Variants in EHBP1L1 observed in about 807,000 individuals in gnomAD.
The protein encoded by EHBP1L1 is EH domain-binding protein 1-like protein 1.
In EHBP1L1, 122 loss-of-function variants were observed where a neutral mutation model predicts 151.1. The observed-to-expected ratio is 0.81, with a 90% CI of 0.70 to 0.94. EHBP1L1 has a LOEUF of 0.94. EHBP1L1 is among the 40% of genes least tolerant of loss of function. EHBP1L1 has a pLI of 0.00. For missense variants in EHBP1L1, 1,941 were observed against 1,959.8 expected, an observed-to-expected ratio of 0.99 and a Z score of 0.18; for synonymous variants, 878 against 810.1, an observed-to-expected ratio of 1.08 and a Z score of -1.42.
chr11:65,584,919 G>A (rs1857854587), intron 11 of EHBP1L1, 40 bp from the exon 12 acceptor site: 2 of 1,527,692 alleles, frequency 1.3e-6, no homozygotes, highest in Non-Finnish European at 1.7e-6. Context: ...GGTGGCGCGG[G>A]CCACCGCCGC....
rs1858214307 is a variant in EHBP1L1, at chr11:65,590,487, A to G, written c.4184-6A>G. ...CAGGCCTGGTGACTGTCCCTGTCCA[A>G]TGCAGGTGCCAACAAGCTGCAGGAG... is the stretch of plus-strand genomic sequence containing the variant. On this transcript the variant is annotated splice_polypyrimidine_tract_variant and splice_region_variant and intron_variant, in intron 15 of 18. Coordinates refer to ENST00000309295, the MANE Select transcript of EHBP1L1 (RefSeq NM_001099409.3). 6.2e-7 allele frequency: 1 copy of G among 1,612,706 alleles called. No individual in the cohort carries two copies. The highest frequency in any genetic ancestry group is 8.5e-7 in the Non-Finnish European group (1 of 1,179,674).
At position 65,585,543 on chromosome 11, in the gene EHBP1L1, G is replaced by C. The variant is rs1857924080; in HGVS notation, c.3885G>C (p.Ser1295=). The C allele has an allele frequency of 7.0e-6, 11 of 1,579,712 alleles. No individual in the cohort carries two copies. The East Asian group carries it at 1.4e-4, about 20-fold the overall frequency. ...KRRSRLRNSS[S]FSMDDPDAGA... is the part of the protein sequence containing the mutation. The stretch of plus-strand genomic sequence containing the variant: ...GCTCGCGGCTGCGGAACAGCAGCTC[G>C]TTCTCGATGGACGATCCGGACGCGG... The change falls in exon 12 of 19, where the codon TCG becomes TCC. Residue 1295 remains serine, a synonymous_variant. Transcript: ENST00000309295. The surrounding 1 kb of genome is among the most constrained non-coding windows in gnomAD (Gnocchi z 4.0).
chr11:65,589,860 TCAC>T, intron 13 of EHBP1L1, 40 bp downstream of exon 13: 1 of 1,545,894 alleles, frequency 6.5e-7, no homozygotes. Flanking sequence ...TTCAGGCTGC[TCAC>T]AAAGCCTGGA....
chr11:65,576,336 G>C lies in EHBP1L1; in HGVS notation c.34G>C (p.Gly12Arg). The C allele has an allele frequency of 6.3e-7, 1 of 1,599,014 alleles. No individual in the cohort carries two copies. Among genetic ancestry groups the C allele is most frequent in the Non-Finnish European group, 8.5e-7 (1 of 1,173,536 alleles). ...TSVWKRLQRVGKRAAKFQFVA... is the reference protein window; with the variant it reads ...TSVWKRLQRVRKRAAKFQFVA... ...GGTGTGGAAGCGCCTGCAGCGCGTGGGCAAGCGGGCGGCCAAGTTCCAGTT... is the reference window on the plus strand; with the variant it reads ...GGTGTGGAAGCGCCTGCAGCGCGTGCGCAAGCGGGCGGCCAAGTTCCAGTT... Residue 12 changes from glycine to arginine, a missense_variant, in exon 1 of 19, where the codon GGC becomes CGC. By Grantham distance (125) the Gly-to-Arg change is moderately radical. Transcript: ENST00000309295.
In EHBP1L1 at chr11:65,592,306, C is replaced by T; in HGVS notation, c.*4C>T. On this transcript the variant is annotated 3_prime_UTR_variant, in exon 19 of 19. Transcript: ENST00000309295. ...GGAGCGCTGCGTGCTGAGCTGAGGC[C>T]GCCGGCCCGGGTGGCCCATAACTTC... is the stretch of plus-strand genomic sequence containing the variant. The T allele has an allele frequency of 6.8e-7, 1 of 1,475,982 alleles. No individual in the cohort carries two copies. The highest frequency in any genetic ancestry group is 8.9e-7 in the Non-Finnish European group (1 of 1,122,730). 91.4% of individuals were successfully genotyped at this position (1,475,982 alleles called of 1,614,324 possible).
chr11:65,586,062 C>G (rs1452670443), intron 12 of EHBP1L1, among the ~76,000 whole-genome samples: 1 of 152,196 alleles, frequency 6.6e-6, no homozygotes, highest in Non-Finnish European at 1.5e-5. Context: ...TGGGTGCAGA[C>G]TATCTGTACT....
chr11:65,577,220 A>T (rs1857374844), intron 1 of EHBP1L1, among the ~76,000 whole-genome samples: 1 of 151,906 alleles, frequency 6.6e-6, no homozygotes, highest in Non-Finnish European at 1.5e-5. Flanking sequence ...ATTAGGGCAC[A>T]GCTGTGGGGG....
Position 65,582,038 on chromosome 11 carries a change from G to GA in EHBP1L1, c.1367dup (p.Ala457GlyfsTer17). On this transcript the variant is annotated frameshift_variant, in exon 9 of 19. Transcript: ENST00000309295. LOFTEE classifies it high-confidence loss of function. ...TGAGGCAAGATGCAGGGGGACCCCTGAGGCTCCTCCAAGGGGCTCTCAGGG... is the reference window on the plus strand; with the variant it reads ...TGAGGCAAGATGCAGGGGGACCCCTGAAGGCTCCTCCAAGGGGCTCTCAGGG... 1 of 1,613,466 alleles carries GA rather than the reference G, an allele frequency of 6.2e-7. No homozygotes were observed. Among genetic ancestry groups the GA allele is most frequent in the Non-Finnish European group, 8.5e-7 (1 of 1,179,808 alleles).
In EHBP1L1 at chr11:65,582,564, T is replaced by C. The variant is rs760211523; in HGVS notation, c.1892T>C (p.Leu631Pro). ...EVAGTAQCEGLETQETEVGVI... is the reference protein window; with the variant it reads ...EVAGTAQCEGPETQETEVGVI... ...GCTGGGACAGCACAGTGTGAGGGAC[T>C]GGAGACCCAGGAAACAGAGGTGGGG... Residue 631 changes from leucine (L) to proline (P), a missense_variant, in exon 9 of 19, where the codon CTG becomes CCG. Physicochemically the swap from Leu to Pro is moderately conservative, Grantham distance 98. Transcript: ENST00000309295. 2.9e-5 allele frequency: 47 copies of C among 1,613,104 alleles called. No individual in the cohort carries two copies. The South Asian group carries it at 4.0e-4, about 14-fold the overall frequency.
In EHBP1L1 at chr11:65,592,071, C is replaced by T. The variant is rs746946038; in HGVS notation, c.4453C>T (p.Leu1485=). ...VNQRDELVRD[L]DHKERIALEE... is the part of the protein sequence containing the mutation. ...CCAGCGCGATGAGCTAGTCCGGGACCTGGACCACAAGGAGCGGATGTGAGT... is the reference window on the plus strand; with the variant it reads ...CCAGCGCGATGAGCTAGTCCGGGACTTGGACCACAAGGAGCGGATGTGAGT... Residue 1485 remains leucine, a synonymous_variant, in exon 18 of 19, where the codon CTG becomes TTG. Coordinates refer to ENST00000309295, the MANE Select transcript of EHBP1L1 (RefSeq NM_001099409.3). The T allele has an allele frequency of 2.5e-6, 4 of 1,613,402 alleles. No homozygotes were observed. The East Asian group carries it at 6.7e-5, about 27-fold the overall frequency.
At chr11:65,591,613 G>T in intron 16 of EHBP1L1, 187 bp from the exon 17 acceptor site, 1 of 633,870 alleles carries the variant, frequency 1.6e-6, no homozygotes, top group Non-Finnish European at 2.9e-6. Flanking sequence ...AGCAATTGGA[G>T]AAAACAGAAG....
At position 65,579,456 on chromosome 11, in the gene EHBP1L1, G is replaced by A. The variant is rs779319049; in HGVS notation, c.258+20G>A. 5.5e-6 allele frequency: 8 copies of A among 1,449,158 alleles called. No homozygotes were observed. Among genetic ancestry groups the A allele is most frequent in the African/African-American group, 2.9e-5 (2 of 69,942 alleles). 89.8% of individuals were successfully genotyped at this position (1,449,158 alleles called of 1,614,324 possible). On this transcript the variant is annotated intron_variant, in intron 3 of 18. Coordinates refer to ENST00000309295, the MANE Select transcript of EHBP1L1 (RefSeq NM_001099409.3). ...TACAGGGTGAGTCTCTAGCCCTCCAGCATGGATGGCAATTGCAACACAGGC... is the reference window on the plus strand; with the variant it reads ...TACAGGGTGAGTCTCTAGCCCTCCAACATGGATGGCAATTGCAACACAGGC...
At chr11:65,586,048 G>A (rs1286797358) in intron 12 of EHBP1L1, among the ~76,000 whole-genome samples, 1 of 152,186 alleles carries the variant, frequency 6.6e-6, no homozygotes, top group Non-Finnish European at 1.5e-5. Context: ...CCTGCCCCAT[G>A]AGCTGGGTGC....
chr11:65,584,809 T>G (rs1239149756), intron 11 of EHBP1L1, 150 bp from the exon 12 acceptor site: 1 of 1,150,338 alleles, frequency 8.7e-7, no homozygotes. Flanking sequence ...CGGGCCTTGT[T>G]GCTGGATTTC....
At position 65,579,940 on chromosome 11, in the gene EHBP1L1, C is replaced by T. The variant is rs765558377; in HGVS notation, c.263C>T (p.Pro88Leu). The change falls in exon 4 of 19, where the codon CCC becomes CTC. Residue 88 changes from proline to leucine, a missense_variant. Coordinates refer to ENST00000309295, the MANE Select transcript of EHBP1L1 (RefSeq NM_001099409.3). ...CACCAGCACCCTTCTTCCCAGGACC[C>T]CCACGTGGACCAGTATGAGGCCAAA... ...VDISVTLYRD[P>L]HVDQYEAKEW... 3.7e-5 allele frequency: 60 copies of T among 1,613,746 alleles called. No homozygotes were observed. Among genetic ancestry groups the T allele is most frequent in the Non-Finnish European group, 4.7e-5 (55 of 1,179,854 alleles).
Position 65,583,148 on chromosome 11 carries a change from T to G in EHBP1L1, c.2476T>G (p.Ser826Ala). 6.2e-7 allele frequency: 1 copy of G among 1,612,758 alleles called. No individual in the cohort carries two copies. Among genetic ancestry groups the G allele is most frequent in the Non-Finnish European group, 8.5e-7 (1 of 1,179,606 alleles). The change falls in exon 9 of 19, where the codon TCT becomes GCT. Residue 826 changes from serine to alanine, a missense_variant. Coordinates refer to ENST00000309295, the MANE Select transcript of EHBP1L1 (RefSeq NM_001099409.3). ...TEILGTQEIA[S>A]RSSGVPGLES... Reference sequence around the variant, plus strand: ...GATATTGGGGACCCAAGAGATAGCATCTAGGAGTTCAGGGGTCCCAGGGCT... The same window carrying G: ...GATATTGGGGACCCAAGAGATAGCAGCTAGGAGTTCAGGGGTCCCAGGGCT...
In EHBP1L1 at chr11:65,585,436, G is replaced by A. The variant is rs1421548610; in HGVS notation, c.3778G>A (p.Gly1260Arg). The A allele has an allele frequency of 4.0e-6, 6 of 1,489,394 alleles. No homozygotes were observed. The highest frequency in any genetic ancestry group is 4.4e-6 in the Non-Finnish European group (5 of 1,125,670). 92.3% of individuals were successfully genotyped at this position (1,489,394 alleles called of 1,614,324 possible). Residue 1260 changes from glycine to arginine, a missense_variant, in exon 12 of 19, where the codon GGG (glycine) becomes AGG (arginine). By Grantham distance (125) the Gly-to-Arg change is moderately radical. Coordinates refer to ENST00000309295, the MANE Select transcript of EHBP1L1 (RefSeq NM_001099409.3). The surrounding 1 kb of genome is among the most constrained non-coding windows in gnomAD (Gnocchi z 4.0). The stretch of plus-strand genomic sequence containing the variant: ...GAGGCTGCGACGGCCCTCGGTCAAC[G>A]GGGAGCCCGGGTCGGTGCCCCCGCC... ...GVRLRRPSVN[G>R]EPGSVPPPRA...
rs1565116821 is a variant in EHBP1L1, at chr11:65,576,425, G to A, written c.104+19G>A. ...AGAAATGGTGAGTGGGAGGGAGGCGGGGGGGCTCCCCCGAACTTGCTGGGA... is the reference window on the plus strand; with the variant it reads ...AGAAATGGTGAGTGGGAGGGAGGCGAGGGGGCTCCCCCGAACTTGCTGGGA... On this transcript the variant is annotated intron_variant, in intron 1 of 18. Coordinates refer to ENST00000309295, the MANE Select transcript of EHBP1L1 (RefSeq NM_001099409.3). 2 of 1,557,146 alleles carry A rather than the reference G, an allele frequency of 1.3e-6. No individual in the cohort carries two copies. Among genetic ancestry groups the A allele is most frequent in the Non-Finnish European group, 1.7e-6 (2 of 1,150,050 alleles).
Position 65,582,571 on chromosome 11 carries a change from C to G in EHBP1L1, c.1899C>G (p.Thr633=). 1 of 1,613,222 alleles carries G rather than the reference C, an allele frequency of 6.2e-7. No homozygotes were observed. ...CAGCACAGTGTGAGGGACTGGAGACCCAGGAAACAGAGGTGGGGGTCATAG... is the reference window on the plus strand; with the variant it reads ...CAGCACAGTGTGAGGGACTGGAGACGCAGGAAACAGAGGTGGGGGTCATAG... ...AGTAQCEGLE[T]QETEVGVIET... The change falls in exon 9 of 19, where the codon ACC becomes ACG. Residue 633 remains threonine, a synonymous_variant. Transcript: ENST00000309295.
Sources: gnomAD v4.1 joint callset for allele counts (sites outside exome capture counted in the v4.1 genomes callset) on GRCh38, gnomAD v4.1.1 for gene constraint, Gnocchi (gnomAD v3.1) non-coding constraint, MANE v1.5 for transcripts, NCBI Gene and HGNC (gene_info 2026-07-23, HGNC 2026-07-21) for gene names.